The following GRB2 variants were observed in gnomAD, a reference collection of about 807,000 sequenced individuals.
GRB2 encodes the protein growth factor receptor-bound protein 2.
A neutral mutation model predicts 27.4 loss-of-function variants in GRB2; 2 were observed. The ratio of observed to expected loss-of-function variants is 0.07; its 90% CI spans 0.03 to 0.23. The LOEUF (loss-of-function observed/expected upper bound fraction) is 0.23, where lower values mean the gene tolerates loss of function less well. GRB2 is among the 10% of genes least tolerant of loss of function. The pLI, the probability that GRB2 is intolerant of heterozygous loss-of-function variation, is 1.00. For synonymous variants in GRB2, 94 were observed against 99.6 expected (o/e 0.94, Z 0.33); for missense variants, 102 against 282.4 (o/e 0.36, Z 4.58).
At chr17:75,358,240 A>C (rs1339196383) in intron 2 of GRB2, among the ~76,000 whole-genome samples, 1 of 152,176 alleles carries the variant, frequency 6.6e-6, no homozygotes, top group African/African-American at 2.4e-5. Flanking sequence ...TTAAACCAAA[A>C]ATGTGGCCAC....
intron 2 of GRB2, chr17:75,372,871 T>C (rs1489883594): frequency 6.6e-6 from 1 of 152,212 alleles, no homozygotes; most frequent in African/African-American, 2.4e-5. Flanking sequence ...AGAAATAACA[T>C]CTTCCACAGA....
intron 5 of GRB2, among the ~76,000 whole-genome samples, chr17:75,321,141 C>G (rs1192173046): frequency 6.9e-6 from 1 of 145,290 alleles, no homozygotes; most frequent in African/African-American, 2.7e-5. Flanking sequence ...TCTGGAAAAG[C>G]AAAAACCTTG....
At chr17:75,328,225 G>A (rs111524755) in intron 3 of GRB2, among the ~76,000 whole-genome samples, 3,251 of 152,214 alleles carry the variant, frequency 0.021, 119 homozygotes, top group African/African-American at 0.073. Context: ...TCGGGAGGCT[G>A]AGGCAGGAGA....
At chr17:75,384,243 C>A (rs2145865396) in intron 2 of GRB2, among the ~76,000 whole-genome samples, 1 of 152,318 alleles carries the variant, frequency 6.6e-6, no homozygotes, top group Non-Finnish European at 1.5e-5. Flanking sequence ...GATTTAAAAT[C>A]AGGTTAAATC....
At chr17:75,337,719 T>C (rs1229814699) in intron 2 of GRB2, among the ~76,000 whole-genome samples, 3 of 150,204 alleles carry the variant, frequency 2.0e-5, no homozygotes, top group African/African-American at 7.3e-5. Flanking sequence ...TACAGGCGTC[T>C]GCAACCACGC....
At chr17:75,341,105 G>A (rs558885762) in intron 2 of GRB2, among the ~76,000 whole-genome samples, 1 of 152,228 alleles carries the variant, frequency 6.6e-6, no homozygotes, top group South Asian at 2.1e-4. Context: ...CAACCAGAAA[G>A]TTGAGAAGAA....
At chr17:75,343,870 C>T (rs1026200825) in intron 2 of GRB2, among the ~76,000 whole-genome samples, 3 of 152,220 alleles carry the variant, frequency 2.0e-5, no homozygotes, top group Non-Finnish European at 4.4e-5. Context: ...GAGACCAACA[C>T]AGAGATCAAG....
chr17:75,391,087 A>C (rs972126614), intron 2 of GRB2, among the ~76,000 whole-genome samples: 12 of 152,072 alleles, frequency 7.9e-5, no homozygotes, highest in African/African-American at 2.9e-4. Flanking sequence ...CTCTTCACCC[A>C]GCCATTTCAC....
intron 3 of GRB2, among the ~76,000 whole-genome samples, chr17:75,331,904 T>C (rs1437506497): frequency 6.6e-6 from 1 of 152,114 alleles, no homozygotes; most frequent in Non-Finnish European, 1.5e-5. Flanking sequence ...AACAGGCCCC[T>C]CCCACTCAAG....
chr17:75,353,010 C>A (rs1217872413), intron 2 of GRB2, among the ~76,000 whole-genome samples: 1 of 151,622 alleles, frequency 6.6e-6, no homozygotes, highest in Non-Finnish European at 1.5e-5. Flanking sequence ...ATAGTGAAAC[C>A]CTGTCTCTAC....
chr17:75,383,465 C>G (rs918729580), intron 2 of GRB2, among the ~76,000 whole-genome samples: 1 of 152,158 alleles, frequency 6.6e-6, no homozygotes, highest in African/African-American at 2.4e-5. Context: ...GACTAATCAC[C>G]TCTTATCAAT....
rs544717195 is a variant in GRB2 at position 75,380,122 on chromosome 17, A to G, written c.78+13429T>C. Among the ~76,000 whole-genome samples the G allele has an allele frequency of 2.0e-3, 310 of 152,336 alleles. 2 individuals carry two copies. The highest frequency in any genetic ancestry group is 7.3e-3 in the African/African-American group (303 of 41,574). ...ATTAGATTCTACAAAATTTCTATGT[A>G]ATAGCCTTATACAGGTGGAAGATGA... is the stretch of plus-strand genomic sequence containing the variant. On this transcript the variant is annotated intron_variant, in intron 2 of 5. Transcript: ENST00000316804.
rs190445414 is a variant in GRB2, at chr17:75,335,936, T to C, written c.79-3139A>G. 1.6e-3 allele frequency among the ~76,000 whole-genome samples: 240 copies of C among 152,342 alleles called. No individual in the cohort carries two copies. In the Middle Eastern group the frequency reaches 0.051, roughly 32 times the overall value. On this transcript the variant is annotated intron_variant, in intron 2 of 5. Coordinates refer to ENST00000316804, the MANE Select transcript of GRB2 (RefSeq NM_002086.5). ...ATTGTGCTGCAGCCAGCAATGGTGC[T>C]GTATTGATAGACAATTATAAAGCAC...
At chr17:75,396,170 T>C (rs1207807556) in intron 1 of GRB2, among the ~76,000 whole-genome samples, 2 of 152,186 alleles carry the variant, frequency 1.3e-5, no homozygotes, top group African/African-American at 2.4e-5. Flanking sequence ...CCTTAGATTT[T>C]TCCCAGCATT....
At chr17:75,323,959 G>A (rs1469998429) in intron 4 of GRB2, among the ~76,000 whole-genome samples, 1 of 151,932 alleles carries the variant, frequency 6.6e-6, no homozygotes, top group Non-Finnish European at 1.5e-5. Flanking sequence ...ACAGGCATGT[G>A]CCACCACGCC....
chr17:75,395,601 A>G (rs771933037), intron 1 of GRB2, among the ~76,000 whole-genome samples: 5 of 152,000 alleles, frequency 3.3e-5, no homozygotes, highest in African/African-American at 9.7e-5. Flanking sequence ...GTATTTACTT[A>G]TTTTTCTTTT....
intron 2 of GRB2, among the ~76,000 whole-genome samples, chr17:75,368,043 C>T (rs1289000274): frequency 1.3e-5 from 2 of 151,902 alleles, no homozygotes; most frequent in African/African-American, 4.8e-5. Flanking sequence ...GCCTCTGGAG[C>T]AGCTGGGATT....
chr17:75,353,575 C>T (rs1194380145), intron 2 of GRB2, among the ~76,000 whole-genome samples: 1 of 151,678 alleles, frequency 6.6e-6, no homozygotes, highest in African/African-American at 2.4e-5. Context: ...AGCCTGACAA[C>T]ACGGTGAAAC....
intron 2 of GRB2, among the ~76,000 whole-genome samples, chr17:75,378,045 T>C (rs1308526695): frequency 6.6e-6 from 1 of 152,102 alleles, no homozygotes; most frequent in Non-Finnish European, 1.5e-5. Flanking sequence ...TAAACCTTTA[T>C]GAAATCATTT....
Sources: allele counts gnomAD v4.1 joint callset (sites outside exome capture counted in the v4.1 genomes callset), GRCh38; gene constraint gnomAD v4.1.1; transcripts MANE v1.5; gene names NCBI Gene and HGNC (gene_info 2026-07-23, HGNC 2026-07-21).